ROCK1: variants seen among roughly 807,000 people sequenced by gnomAD.
ROCK1 encodes the protein Rho associated coiled-coil containing protein kinase 1, also known as rho-associated protein kinase 1.
Under a neutral mutation model 196.8 loss-of-function variants are expected in ROCK1, and 36 were observed. The observed-to-expected ratio is 0.18, with a 90% CI of 0.14 to 0.24. The LOEUF (loss-of-function observed/expected upper bound fraction) is 0.24. Ranked by LOEUF, ROCK1 falls within the 10% of genes least tolerant of loss-of-function variation. ROCK1 has a pLI of 1.00. For missense variants in ROCK1, 920 were observed against 1,562.0 expected (o/e 0.59, Z 6.93); for synonymous variants, 443 against 515.9 (o/e 0.86, Z 1.91).
At chr18:21,019,489 G>A (rs2035893698) in intron 12 of ROCK1, among the ~76,000 whole-genome samples, 1 of 152,080 alleles carries the variant, frequency 6.6e-6, no homozygotes, top group Admixed American at 6.6e-5. Flanking sequence ...TAGCATTACA[G>A]TTTTTTAAGA....
At chr18:21,102,161 T>A (rs1168655468) in intron 1 of ROCK1, among the ~76,000 whole-genome samples, 1 of 152,348 alleles carries the variant, frequency 6.6e-6, no homozygotes, top group East Asian at 1.9e-4. Context: ...CCACATCTCA[T>A]GCAAATCCTA....
chr18:21,022,702 C>T (rs2035923854), intron 11 of ROCK1, among the ~76,000 whole-genome samples: 1 of 152,160 alleles, frequency 6.6e-6, no homozygotes, highest in Non-Finnish European at 1.5e-5. Flanking sequence ...TCTCTCTTTG[C>T]TCCTTCAGTA....
rs185797194 is a variant in ROCK1 at position 21,062,690 on chromosome 18, G to A, written c.175+7842C>T. Among the ~76,000 whole-genome samples the A allele has an allele frequency of 9.6e-4, 146 of 152,232 alleles. No homozygotes were observed. The Middle Eastern group carries it at 0.014, about 14-fold the overall frequency. On this transcript the variant is annotated intron_variant, in intron 2 of 32. Transcript: ENST00000399799. ...AAAATGGTAACTTACTAGTGGAGAA[G>A]CTTGCCAGACACTACCTTAAACCAA...
At chr18:20,995,049 A>T (rs894943137) in intron 16 of ROCK1, among the ~76,000 whole-genome samples, 2 of 152,214 alleles carry the variant, frequency 1.3e-5, no homozygotes, top group African/African-American at 4.8e-5. Flanking sequence ...AAATACAAGA[A>T]ATTAAGACCT....
chr18:20,992,705 T>C (rs1324021914), intron 17 of ROCK1, 126 bp downstream of exon 17: 1 of 587,782 alleles, frequency 1.7e-6, no homozygotes, highest in African/African-American at 1.9e-5. Flanking sequence ...CAATCAAACA[T>C]AAAAACTTTT....
intron 11 of ROCK1, among the ~76,000 whole-genome samples, chr18:21,022,158 C>A (rs528885977): frequency 1.1e-4 from 17 of 151,920 alleles, no homozygotes; most frequent in Non-Finnish European, 2.5e-4. Flanking sequence ...TGTGCCCCCC[C>A]ACAAAAAAAT....
chr18:21,074,309 C>T lies in ROCK1; in HGVS notation c.94-3696G>A, dbSNP rs146796505. Among the ~76,000 whole-genome samples the T allele has an allele frequency of 1.8e-4, 28 of 152,314 alleles. No homozygotes were observed. In the East Asian group the frequency reaches 5.2e-3, roughly 28 times the overall value. On this transcript the variant is annotated intron_variant, in intron 1 of 32. Coordinates refer to ENST00000399799, the MANE Select transcript of ROCK1 (RefSeq NM_005406.3). ...GTTAAAATCTGTTTAACTGGTGTGA[C>T]ATTACTATACCCATGTCAATGCTGC...
intron 9 of ROCK1, among the ~76,000 whole-genome samples, chr18:21,033,925 T>C (rs1343093388): frequency 8.0e-6 from 1 of 124,356 alleles, no homozygotes; most frequent in East Asian, 2.4e-4. Context: ...TCCCAGCTAC[T>C]CGGGAGGCTG....
Position 21,022,691 on chromosome 18 carries a change from TTC to T in ROCK1, c.1272+927_1272+928del, listed in dbSNP as rs1427467291. Among the ~76,000 whole-genome samples, 3 of 152,320 alleles carry T rather than the reference TTC, an allele frequency of 2.0e-5. No individual in the cohort carries two copies. The East Asian group carries it at 5.8e-4, about 29-fold the overall frequency. ...GCTTTCTCTGAGCTACGATAAGATT[TTC>T]TCTCTTTGCTCCTTCAGTATAGGGC... On this transcript the variant is annotated intron_variant, in intron 11 of 32. Transcript: ENST00000399799.
chr18:20,992,342 A>T (rs2035633683), intron 17 of ROCK1, among the ~76,000 whole-genome samples: 1 of 152,230 alleles, frequency 6.6e-6, no homozygotes, highest in South Asian at 2.1e-4. Flanking sequence ...ACTCTTAGCT[A>T]GGTATATAAC....
chr18:21,037,182 A>C (rs979834461), intron 9 of ROCK1, among the ~76,000 whole-genome samples: 1 of 152,146 alleles, frequency 6.6e-6, no homozygotes, highest in Admixed American at 6.5e-5. Context: ...ATTTTATCTC[A>C]AATGAGTGGA....
At chr18:21,060,095 G>A (rs944882219) in intron 2 of ROCK1, among the ~76,000 whole-genome samples, 1 of 152,194 alleles carries the variant, frequency 6.6e-6, no homozygotes, top group African/African-American at 2.4e-5. Context: ...TGATGAAAAT[G>A]TTGTAAAAGC....
rs2036747129 is a variant in ROCK1, at chr18:21,111,037, G to A, written c.-127C>T. 1 of 713,376 alleles carries A rather than the reference G, an allele frequency of 1.4e-6. No individual in the cohort carries two copies. Among genetic ancestry groups the A allele is most frequent in the East Asian group, 2.6e-5 (1 of 38,206 alleles). The allele number at this position is 713,376 out of a possible 1,614,324, so 44.2% of individuals were successfully genotyped here. A position where few individuals can be genotyped will look rare whatever the true frequency, so the allele number is the denominator to read the frequency against. On this transcript the variant is annotated 5_prime_UTR_variant, in exon 1 of 33. Coordinates refer to ENST00000399799, the MANE Select transcript of ROCK1 (RefSeq NM_005406.3). This position sits in a 1 kb window ranked among gnomAD's most constrained non-coding sequence, Gnocchi z 4.2. Reference sequence around the variant, plus strand: ...CCGGAACCTCAGGGTCACCAGGTGCGCCCGGTTCCCCCGTCTTCCCCTCAC... The same window carrying A: ...CCGGAACCTCAGGGTCACCAGGTGCACCCGGTTCCCCCGTCTTCCCCTCAC...
chr18:21,059,613 T>A (rs949908946), intron 2 of ROCK1, among the ~76,000 whole-genome samples: 4 of 152,206 alleles, frequency 2.6e-5, no homozygotes, highest in African/African-American at 9.6e-5. Flanking sequence ...AAAGTATATA[T>A]TTAAAAATCC....
chr18:21,052,202 A>G (rs1344230049), intron 2 of ROCK1, among the ~76,000 whole-genome samples: 4 of 152,238 alleles, frequency 2.6e-5, no homozygotes, highest in Admixed American at 1.3e-4. Flanking sequence ...CGTGCTAACA[A>G]GTGTAAATGC....
chr18:21,045,670 G>A (rs1568393580), intron 4 of ROCK1, among the ~76,000 whole-genome samples: 1 of 152,076 alleles, frequency 6.6e-6, no homozygotes, highest in Admixed American at 6.6e-5. Context: ...TAATTATTCA[G>A]AAGAGTTACA....
chr18:20,993,033 G>T, intron 16 of ROCK1, 96 bp from the exon 17 acceptor site: 1 of 672,660 alleles, frequency 1.5e-6, no homozygotes, highest in Non-Finnish European at 2.5e-6. Flanking sequence ...TTTTTTTAAT[G>T]TATTAAGTTT....
intron 27 of ROCK1, among the ~76,000 whole-genome samples, chr18:20,961,825 T>C (rs2035330030): frequency 6.7e-6 from 1 of 148,594 alleles, no homozygotes; most frequent in Non-Finnish European, 1.5e-5. Context: ...TTCCTTTTTT[T>C]TTTTTTTTTT....
intron 9 of ROCK1, among the ~76,000 whole-genome samples, chr18:21,033,832 C>G (rs545862746): frequency 8.8e-6 from 1 of 113,906 alleles, no homozygotes; most frequent in Non-Finnish European, 1.7e-5. Flanking sequence ...TCCTGGCTAA[C>G]TCAGTGAAAC....
Sources: allele counts gnomAD v4.1 joint callset (sites outside exome capture counted in the v4.1 genomes callset), GRCh38; gene constraint gnomAD v4.1.1; non-coding constraint Gnocchi (gnomAD v3.1); transcripts MANE v1.5; gene names NCBI Gene and HGNC (gene_info 2026-07-23, HGNC 2026-07-21).